KBTBD12: variants seen among roughly 807,000 people sequenced by gnomAD.
KBTBD12 encodes the protein kelch repeat and BTB domain containing 12.
In KBTBD12, 53 loss-of-function variants were observed where a neutral mutation model predicts 58.7. The ratio of observed to expected loss-of-function variants is 0.90; its 90% CI spans 0.72 to 1.14. The LOEUF is 1.14. KBTBD12 is among the 50% of genes most tolerant of loss of function. The pLI is 0.00. For synonymous variants in KBTBD12, 236 were observed against 259.8 expected (o/e 0.91, Z 0.88); for missense variants, 704 against 751.3 (o/e 0.94, Z 0.74).
chr3:127,973,712 T>C (rs879425739), intron 5 of KBTBD12, among the ~76,000 whole-genome samples: 1 of 152,150 alleles, frequency 6.6e-6, no homozygotes, highest in East Asian at 1.9e-4. Context: ...TTATTGACTC[T>C]AGATGCAGAA....
rs2107582303 is a variant in KBTBD12 at position 127,915,352 on chromosome 3, G to C, written c.-347G>C. On this transcript the variant is annotated 5_prime_UTR_variant, in exon 1 of 6. Coordinates refer to ENST00000405109, the MANE Select transcript of KBTBD12 (RefSeq NM_207335.4). The stretch of plus-strand genomic sequence containing the variant: ...ACAGTGGCTGGAGGGCAGCGGCGGC[G>C]TGGTCTCGGGCCACTTCCAAGCAGA... 6.6e-6 allele frequency: 1 copy of C among 152,612 alleles called. No individual in the cohort carries two copies. Among genetic ancestry groups the C allele is most frequent in the African/African-American group, 2.4e-5 (1 of 41,596 alleles). The allele number at this position is 152,612 out of a possible 1,614,324, so 9.5% of individuals were successfully genotyped here.
intron 2 of KBTBD12, among the ~76,000 whole-genome samples, chr3:127,924,413 C>T (rs369720533): frequency 4.0e-5 from 6 of 148,866 alleles, no homozygotes; most frequent in African/African-American, 1.5e-4. Context: ...ATATATATAA[C>T]TTTCATAATT....
intron 5 of KBTBD12, among the ~76,000 whole-genome samples, chr3:127,981,404 A>G (rs754639879): frequency 6.6e-6 from 1 of 152,204 alleles, no homozygotes; most frequent in Non-Finnish European, 1.5e-5. Context: ...ATGCTATCCA[A>G]TAAATAGTCA....
At chr3:127,954,485 A>G (rs1940278412) in intron 4 of KBTBD12, among the ~76,000 whole-genome samples, 1 of 152,220 alleles carries the variant, frequency 6.6e-6, no homozygotes, top group Non-Finnish European at 1.5e-5. Flanking sequence ...CATGTAAGAT[A>G]AACTGGAAAG....
intron 5 of KBTBD12, among the ~76,000 whole-genome samples, chr3:127,971,803 C>T (rs1326238803): frequency 6.6e-6 from 1 of 152,198 alleles, no homozygotes; most frequent in African/African-American, 2.4e-5. Flanking sequence ...TCATCATCTT[C>T]TTTGGCTAAC....
rs1345350272 is a variant in KBTBD12, at chr3:127,963,398, G to A, written c.1690+12G>A. 2 of 1,579,424 alleles carry A rather than the reference G, an allele frequency of 1.3e-6. No homozygotes were observed. On this transcript the variant is annotated intron_variant, in intron 5 of 5. Coordinates refer to ENST00000405109, the MANE Select transcript of KBTBD12 (RefSeq NM_207335.4). ...ATTCCATGGAGCAGGTATGGGTCCA[G>A]TTTTAAACATTTTGTTACCTCCTTT...
In KBTBD12 at chr3:127,922,978, A is replaced by G; in HGVS notation, c.-84A>G. ...TGTTTCCTGACATCTTTGTAGCTTC[A>G]TGAGTAATCAGACATGCAAATAGCC... On this transcript the variant is annotated 5_prime_UTR_variant, in exon 2 of 6. The change abolishes an upstream ATG in the 5' untranslated region. Coordinates refer to ENST00000405109, the MANE Select transcript of KBTBD12 (RefSeq NM_207335.4). 2 of 750,454 alleles carry G rather than the reference A, an allele frequency of 2.7e-6. No homozygotes were observed. The highest frequency in any genetic ancestry group is 1.9e-5 in the South Asian group (1 of 51,356). The allele number at this position is 750,454 out of a possible 1,614,324, so 46.5% of individuals were successfully genotyped here. A position where few individuals can be genotyped will look rare whatever the true frequency, so the allele number is the denominator to read the frequency against.
intron 5 of KBTBD12, among the ~76,000 whole-genome samples, chr3:127,979,968 A>T (rs1193351481): frequency 6.6e-6 from 1 of 152,226 alleles, no homozygotes; most frequent in African/African-American, 2.4e-5. Flanking sequence ...GCATGTACTA[A>T]CACATACACT....
intron 5 of KBTBD12, among the ~76,000 whole-genome samples, chr3:127,966,249 T>C (rs895139406): frequency 6.6e-6 from 1 of 152,032 alleles, no homozygotes; most frequent in Non-Finnish European, 1.5e-5. Context: ...TCTCTGGGGG[T>C]CTGACCAGCC....
chr3:127,983,219 C>A (rs1940903163), intron 5 of KBTBD12, among the ~76,000 whole-genome samples: 1 of 152,192 alleles, frequency 6.6e-6, no homozygotes, highest in Non-Finnish European at 1.5e-5. Flanking sequence ...ACACTGCCTT[C>A]CATTTAAAGT....
At position 127,973,225 on chromosome 3, in the gene KBTBD12, T is replaced by C. The variant is rs75068754; in HGVS notation, c.1690+9839T>C. On this transcript the variant is annotated intron_variant, in intron 5 of 5. Coordinates refer to ENST00000405109, the MANE Select transcript of KBTBD12 (RefSeq NM_207335.4). ...CATTTTACCTCCAGTTTATAGGAAA[T>C]AGAGGAAGAACAAAGTAAACAACCC... 6.5e-3 allele frequency among the ~76,000 whole-genome samples: 996 copies of C among 152,220 alleles called. 16 individuals carry two copies. The highest frequency in any genetic ancestry group is 0.022 in the African/African-American group (921 of 41,522).
intron 4 of KBTBD12, among the ~76,000 whole-genome samples, chr3:127,944,610 C>T (rs1445992568): frequency 1.3e-5 from 2 of 152,164 alleles, no homozygotes; most frequent in Non-Finnish European, 2.9e-5. Flanking sequence ...AGGATCATGT[C>T]ATCTGCAAAC....
chr3:127,983,964 G>C (rs543057777), intron 5 of KBTBD12, 133 bp from the exon 6 acceptor site: 1 of 690,944 alleles, frequency 1.4e-6, no homozygotes, highest in African/African-American at 1.8e-5. Flanking sequence ...CCCAGTCCTG[G>C]GTATTCTGTT....
rs949985861 is a variant in KBTBD12, at chr3:127,922,928, C to T, written c.-112-22C>T. ...TAGAGAATTTTTTCTTAGAAGGAAA[C>T]TGCCTTTTTTCTTTCCCTTAGAAAT... On this transcript the variant is annotated intron_variant, in intron 1 of 5. Coordinates refer to ENST00000405109, the MANE Select transcript of KBTBD12 (RefSeq NM_207335.4). 9.7e-5 allele frequency: 57 copies of T among 586,702 alleles called. 1 individual carries two copies. In the Admixed American group the frequency reaches 1.7e-3, roughly 18 times the overall value. The allele number at this position is 586,702 out of a possible 1,614,324, so 36.3% of individuals were successfully genotyped here. A position where few individuals can be genotyped will look rare whatever the true frequency, so the allele number is the denominator to read the frequency against.
intron 4 of KBTBD12, among the ~76,000 whole-genome samples, chr3:127,954,421 T>C (rs940704551): frequency 6.6e-6 from 1 of 152,212 alleles, no homozygotes; most frequent in African/African-American, 2.4e-5. Context: ...GCTTCTGTTA[T>C]AAAATACTGA....
At chr3:127,955,429 T>G (rs1940299152) in intron 4 of KBTBD12, among the ~76,000 whole-genome samples, 1 of 152,178 alleles carries the variant, frequency 6.6e-6, no homozygotes, top group Admixed American at 6.5e-5. Flanking sequence ...CAAAGATAAT[T>G]TTAATGGTGA....
intron 5 of KBTBD12, among the ~76,000 whole-genome samples, chr3:127,976,500 C>A (rs1211009812): frequency 6.6e-6 from 1 of 152,182 alleles, no homozygotes; most frequent in Admixed American, 6.5e-5. Flanking sequence ...TATACATTCC[C>A]GGCTGGAATA....
At chr3:127,966,833 A>T (rs746648233) in intron 5 of KBTBD12, among the ~76,000 whole-genome samples, 1 of 152,238 alleles carries the variant, frequency 6.6e-6, no homozygotes, top group Non-Finnish European at 1.5e-5. Flanking sequence ...ACTGGGGAAA[A>T]AAATAAAAGG....
rs1200554143 is a variant in KBTBD12 at position 127,915,256 on chromosome 3, G to C, written c.-443G>C. The C allele has an allele frequency of 6.6e-6, 1 of 152,148 alleles. No homozygotes were observed. The highest frequency in any genetic ancestry group is 1.5e-5 in the Non-Finnish European group (1 of 68,054). The allele number at this position is 152,148 out of a possible 1,614,324, so 9.4% of individuals were successfully genotyped here. A position where few individuals can be genotyped will look rare whatever the true frequency, so the allele number is the denominator to read the frequency against. On this transcript the variant is annotated 5_prime_UTR_variant, in exon 1 of 6. Coordinates refer to ENST00000405109, the MANE Select transcript of KBTBD12 (RefSeq NM_207335.4). ...CAGTAGGGTACGGGACGCGCGCGGGGAGACCCTGTGCAGCGACACCGGGGC... is the reference window on the plus strand; with the variant it reads ...CAGTAGGGTACGGGACGCGCGCGGGCAGACCCTGTGCAGCGACACCGGGGC...
Sources: allele counts gnomAD v4.1 joint callset (sites outside exome capture counted in the v4.1 genomes callset), GRCh38; gene constraint gnomAD v4.1.1; transcripts MANE v1.5; gene names NCBI Gene and HGNC (gene_info 2026-07-23, HGNC 2026-07-21).